SIDT2: variants seen among roughly 807,000 people sequenced by gnomAD.
SIDT2 encodes SID1 transmembrane family member 2, also known as SID1 transmembrane family, member 2.
In SIDT2, 68 loss-of-function variants were observed where a neutral mutation model predicts 114.4. That is an observed-to-expected ratio of 0.59 (90% CI 0.49 to 0.73). SIDT2 has a LOEUF of 0.73. SIDT2 is among the 30% of genes least tolerant of loss of function. The pLI is 0.00. For missense variants in SIDT2, 918 were observed against 1,097.1 expected (o/e 0.84, Z 2.31); for synonymous variants, 470 against 438.4 (o/e 1.07, Z -0.90).
At position 117,179,582 on chromosome 11, in the gene SIDT2, C is replaced by A. The variant is rs1234283063; in HGVS notation, c.183+136C>A. 3.6e-6 allele frequency: 3 copies of A among 829,868 alleles called. No homozygotes were observed. The African/African-American group carries it at 5.2e-5, about 14-fold the overall frequency. 51.4% of individuals were successfully genotyped at this position (829,868 alleles called of 1,614,324 possible). A position where few individuals can be genotyped will look rare whatever the true frequency, so the allele number is the denominator to read the frequency against. On this transcript the variant is annotated intron_variant, in intron 1 of 25. Coordinates refer to ENST00000324225, the MANE Select transcript of SIDT2 (RefSeq NM_001040455.2). ...TAGGTTCCCAGTTCCCAGAACCACACTGGAGCCTCTTGACCAGTCCTCCTT... is the reference window on the plus strand; with the variant it reads ...TAGGTTCCCAGTTCCCAGAACCACAATGGAGCCTCTTGACCAGTCCTCCTT...
intron 23 of SIDT2, 64 bp downstream of exon 23, chr11:117,193,322 C>T (rs993571466): frequency 1.6e-5 from 22 of 1,380,636 alleles, no homozygotes; most frequent in South Asian, 5.1e-5. Context: ...GAGATGGGCC[C>T]GGCAGCATTG....
At chr11:117,186,737 G>C in intron 10 of SIDT2, 101 bp downstream of exon 10, 1 of 1,164,450 alleles carries the variant, frequency 8.6e-7, no homozygotes, top group Non-Finnish European at 1.2e-6. Context: ...AAGGGCTGGG[G>C]GTTTCTGGAT....
chr11:117,192,316 C>T lies in SIDT2; in HGVS notation c.1935C>T (p.Thr645=), dbSNP rs756179573. 6 of 1,612,580 alleles carry T rather than the reference C, an allele frequency of 3.7e-6. No individual in the cohort carries two copies. The highest frequency in any genetic ancestry group is 2.2e-5 in the South Asian group (2 of 91,056). The part of the protein sequence containing the change: ...IVFSIIHIIA[T]LLLSTQLYYM... ...TCTCCATCATTCACATCATCGCCAC[C>T]CTGCTCCTCAGCACGCAGCTCTATT... The change falls in exon 20 of 26, where the codon ACC becomes ACT. Residue 645 remains threonine (T), a synonymous_variant. Coordinates refer to ENST00000324225, the MANE Select transcript of SIDT2 (RefSeq NM_001040455.2). The surrounding 1 kb of genome is among the most constrained non-coding windows in gnomAD (Gnocchi z 5.9).
In SIDT2 at chr11:117,181,861, C is replaced by T. The variant is rs373844476; in HGVS notation, c.360C>T (p.Pro120=). The T allele has an allele frequency of 3.1e-6, 5 of 1,614,098 alleles. No homozygotes were observed. Among genetic ancestry groups the T allele is most frequent in the South Asian group, 1.1e-5 (1 of 91,088 alleles). ...TGGAACGAACCCTGTGTCAGCCCCC[C>T]ACCAAGAATGAGTCGGAGATTCAGT... The part of the protein sequence containing the change: ...QKVERTLCQP[P]TKNESEIQFF... The change falls in exon 3 of 26, where the codon CCC becomes CCT. Residue 120 remains proline (P), a synonymous_variant. Coordinates refer to ENST00000324225, the MANE Select transcript of SIDT2 (RefSeq NM_001040455.2).
rs920344673 is a variant in SIDT2 at position 117,188,144 on chromosome 11, G to T, written c.1159+445G>T. 1 of 379,824 alleles carries T rather than the reference G, an allele frequency of 2.6e-6. No homozygotes were observed. Among genetic ancestry groups the T allele is most frequent in the East Asian group, 7.0e-5 (1 of 14,370 alleles). The allele number at this position is 379,824 out of a possible 1,614,324, so 23.5% of individuals were successfully genotyped here. On this transcript the variant is annotated intron_variant, in intron 12 of 25. Coordinates refer to ENST00000324225, the MANE Select transcript of SIDT2 (RefSeq NM_001040455.2). This position sits in a 1 kb window ranked among gnomAD's most constrained non-coding sequence, Gnocchi z 4.0. ...CTTTGGCTGGCGGGCTGGCGCCTCC[G>T]CTCTCTCCAGGCTGGACAATCTAGT...
In SIDT2 at chr11:117,189,935, CCCTGCT is replaced by C. The variant is rs2030640006; in HGVS notation, c.1420-10_1420-5del. 1 of 1,613,562 alleles carries C rather than the reference CCCTGCT, an allele frequency of 6.2e-7. No homozygotes were observed. Among genetic ancestry groups the C allele is most frequent in the Non-Finnish European group, 8.5e-7 (1 of 1,179,642 alleles). ...GCGTGACGACAGACCCACTCCCTGT[CCCTGCT>C]CCTGCTACAGGTGGTGAATGTCACA... is the stretch of plus-strand genomic sequence containing the variant. On this transcript the variant is annotated splice_polypyrimidine_tract_variant and intron_variant, in intron 15 of 25. Transcript: ENST00000324225.
chr11:117,195,771 C>A, intron 24 of SIDT2, 31 bp from the exon 25 acceptor site: 1 of 1,612,582 alleles, frequency 6.2e-7, no homozygotes, highest in Non-Finnish European at 8.5e-7. Context: ...AGAGCAGGGT[C>A]ATTCGGCAGT....
chr11:117,189,526 C>A, intron 15 of SIDT2, 125 bp downstream of exon 15: 2 of 1,028,496 alleles, frequency 1.9e-6, no homozygotes, highest in South Asian at 3.1e-5. Context: ...GCTCTGCCTT[C>A]CCAGCCGAGT....
chr11:117,192,754 G>A lies in SIDT2; in HGVS notation c.2059-66G>A, dbSNP rs1437904252. The A allele has an allele frequency of 1.2e-6, 2 of 1,611,828 alleles. No individual in the cohort carries two copies. The highest frequency in any genetic ancestry group is 1.7e-6 in the Non-Finnish European group (2 of 1,178,316). On this transcript the variant is annotated intron_variant, in intron 21 of 25. Transcript: ENST00000324225. The surrounding 1 kb of genome is among the most constrained non-coding windows in gnomAD (Gnocchi z 5.9). ...CCCAGGGGAGAGTGGGGACCAGCTG[G>A]CTGGGCCTTCTTCCACCACCCTCCC...
At position 117,190,045 on chromosome 11, in the gene SIDT2, GC is replaced by G; in HGVS notation, c.1493+24del. 1 of 1,614,042 alleles carries G rather than the reference GC, an allele frequency of 6.2e-7. No homozygotes were observed. Among genetic ancestry groups the G allele is most frequent in the East Asian group, 2.2e-5 (1 of 44,870 alleles). On this transcript the variant is annotated intron_variant, in intron 16 of 25. Transcript: ENST00000324225. The surrounding 1 kb of genome is among the most constrained non-coding windows in gnomAD (Gnocchi z 4.1). ...TCTCAGGTGGGGGTCATGCTGGGAGGCCCCTTGTCCAGGCCAAGGGTGAAAT... is the reference window on the plus strand; with the variant it reads ...TCTCAGGTGGGGGTCATGCTGGGAGGCCCTTGTCCAGGCCAAGGGTGAAAT...
At position 117,196,113 on chromosome 11, in the gene SIDT2, T is replaced by A; in HGVS notation, c.*47T>A. The A allele has an allele frequency of 1.2e-6, 2 of 1,610,900 alleles. No individual in the cohort carries two copies. Among genetic ancestry groups the A allele is most frequent in the Non-Finnish European group, 1.7e-6 (2 of 1,177,542 alleles). On this transcript the variant is annotated 3_prime_UTR_variant, in exon 26 of 26. Transcript: ENST00000324225. This position sits in a 1 kb window ranked among gnomAD's most constrained non-coding sequence, Gnocchi z 4.9. Reference sequence around the variant, plus strand: ...CACCTCAAGGGGCCCTGAGCTCCTTTGTGTCATAGACCGGTCACTCTGTCG... The same window carrying A: ...CACCTCAAGGGGCCCTGAGCTCCTTAGTGTCATAGACCGGTCACTCTGTCG...
At chr11:117,189,123 T>C in intron 13 of SIDT2, 46 bp from the exon 14 acceptor site, 1 of 1,590,028 alleles carries the variant, frequency 6.3e-7, no homozygotes, top group Non-Finnish European at 8.6e-7. Context: ...GGGAGGGGGC[T>C]TCTCCCAAGT....
In SIDT2 at chr11:117,187,074, C is replaced by G. The variant is rs2030524193; in HGVS notation, c.1016-304C>G. The G allele has an allele frequency of 4.8e-6, 7 of 1,459,540 alleles. No homozygotes were observed. The South Asian group carries it at 7.3e-5, about 15-fold the overall frequency. The allele number at this position is 1,459,540 out of a possible 1,614,324, so 90.4% of individuals were successfully genotyped here. A position where few individuals can be genotyped will look rare whatever the true frequency, so the allele number is the denominator to read the frequency against. ...GAGGGAGGGTGCAGCACAGGGCTGT[C>G]TGGAGGGCTCGTGGGCGGGCCAGTG... On this transcript the variant is annotated intron_variant, in intron 10 of 25. Coordinates refer to ENST00000324225, the MANE Select transcript of SIDT2 (RefSeq NM_001040455.2).
chr11:117,191,495 A>C, intron 18 of SIDT2: 1 of 199,772 alleles, frequency 5.0e-6, no homozygotes. Context: ...GAGGCAGGAG[A>C]ATTGCTTGAG....
In SIDT2 at chr11:117,192,177, C is replaced by T; in HGVS notation, c.1873-77C>T. On this transcript the variant is annotated intron_variant, in intron 19 of 25. Coordinates refer to ENST00000324225, the MANE Select transcript of SIDT2 (RefSeq NM_001040455.2). This position sits in a 1 kb window ranked among gnomAD's most constrained non-coding sequence, Gnocchi z 5.9. ...TCAGAGTCCCAGCCTGGCTGAGCAG[C>T]CAGCCCCAGGAAGGGTGGGCCATCC... The T allele has an allele frequency of 1.3e-6, 2 of 1,489,094 alleles. No homozygotes were observed. Among genetic ancestry groups the T allele is most frequent in the Admixed American group, 1.7e-5 (1 of 59,102 alleles). The allele number at this position is 1,489,094 out of a possible 1,614,324, so 92.2% of individuals were successfully genotyped here.
intron 8 of SIDT2, 148 bp from the exon 9 acceptor site, chr11:117,185,982 G>T: frequency 1.7e-6 from 1 of 605,908 alleles, no homozygotes; most frequent in Non-Finnish European, 2.9e-6. Context: ...ACTGCCAGTT[G>T]TTCATACTGG....
chr11:117,182,129 C>T (rs2030312698), intron 4 of SIDT2, 24 bp downstream of exon 4: 12 of 1,613,052 alleles, frequency 7.4e-6, no homozygotes, highest in Non-Finnish European at 9.3e-6. Context: ...GTTGATTGCT[C>T]GAGAGGAGAA....
Position 117,196,256 on chromosome 11 carries a change from C to T in SIDT2, c.*190C>T. On this transcript the variant is annotated 3_prime_UTR_variant, in exon 26 of 26. Coordinates refer to ENST00000324225, the MANE Select transcript of SIDT2 (RefSeq NM_001040455.2). The surrounding 1 kb of genome is among the most constrained non-coding windows in gnomAD (Gnocchi z 4.9). ...GGTGGCATGGAACCTTGCAGCTGCC[C>T]TCTGCCGAGGAGCAGGCCTGCTCCC... 2.8e-6 allele frequency: 2 copies of T among 723,838 alleles called. No individual in the cohort carries two copies. Among genetic ancestry groups the T allele is most frequent in the East Asian group, 2.7e-5 (1 of 36,788 alleles). The allele number at this position is 723,838 out of a possible 1,614,324, so 44.8% of individuals were successfully genotyped here.
chr11:117,182,761 C>T lies in SIDT2; in HGVS notation c.657C>T (p.Ile219=), dbSNP rs186971395. Residue 219 remains isoleucine (I), a synonymous_variant, in exon 6 of 26, where the codon ATC becomes ATT. Coordinates refer to ENST00000324225, the MANE Select transcript of SIDT2 (RefSeq NM_001040455.2). ...ACCTGGACAACAACGTAGCCTTCAT[C>T]GGCATGTACCAGACGATGACCAAGA... is the stretch of plus-strand genomic sequence containing the variant. ...VYDLDNNVAF[I]GMYQTMTKKA... 4.0e-5 allele frequency: 64 copies of T among 1,614,182 alleles called. No individual in the cohort carries two copies. The East Asian group carries it at 7.1e-4, about 18-fold the overall frequency.
Sources: allele counts gnomAD v4.1 joint callset, GRCh38; gene constraint gnomAD v4.1.1; non-coding constraint Gnocchi (gnomAD v3.1); transcripts MANE v1.5; gene names NCBI Gene and HGNC (gene_info 2026-07-23, HGNC 2026-07-21).